The following RBMS3 variants were observed in gnomAD, a reference collection of about 807,000 sequenced individuals.
The protein encoded by RBMS3 is RNA-binding motif, single-stranded-interacting protein 3.
Under a neutral mutation model 66.8 loss-of-function variants are expected in RBMS3, and 27 were observed. The ratio of observed to expected loss-of-function variants is 0.40; its 90% CI spans 0.30 to 0.56. The LOEUF (loss-of-function observed/expected upper bound fraction) is 0.56, where lower values mean the gene tolerates loss of function less well. Ranked by LOEUF, RBMS3 falls within the 20% of genes least tolerant of loss-of-function variation. The pLI is 0.40. For missense variants in RBMS3, 513 were observed against 549.5 expected, an observed-to-expected ratio of 0.93 and a Z score of 0.66; for synonymous variants, 188 against 183.0, an observed-to-expected ratio of 1.03 and a Z score of -0.22.
chr3:29,393,152 T>C (rs770181816), intron 1 of RBMS3, among the ~76,000 whole-genome samples: 3 of 152,218 alleles, frequency 2.0e-5, no homozygotes, highest in Non-Finnish European at 4.4e-5. Flanking sequence ...TGTAATATAA[T>C]ATACTGTGTG....
intron 12 of RBMS3, among the ~76,000 whole-genome samples, chr3:29,962,088 TAAG>T (rs60331264): frequency 0.025 from 3,629 of 146,752 alleles, 111 homozygotes; most frequent in East Asian, 0.16. Context: ...GTATATATAA[TAAG>T]ATATATATAC....
chr3:29,335,614 A>G (rs2035900384), intron 1 of RBMS3, among the ~76,000 whole-genome samples: 1 of 152,184 alleles, frequency 6.6e-6, no homozygotes, highest in Non-Finnish European at 1.5e-5. Context: ...CTCTACTGCT[A>G]CTTAATGTAT....
intron 3 of RBMS3, among the ~76,000 whole-genome samples, chr3:29,573,163 C>G (rs889335281): frequency 1.3e-5 from 2 of 152,140 alleles, no homozygotes; most frequent in Non-Finnish European, 2.9e-5. Flanking sequence ...TTCTGTCACC[C>G]AGGCTGGAGT....
At chr3:29,941,232 C>T (rs574229617) in intron 11 of RBMS3, among the ~76,000 whole-genome samples, 1 of 151,910 alleles carries the variant, frequency 6.6e-6, no homozygotes, top group African/African-American at 2.4e-5. Context: ...CCCCACAGTT[C>T]TCTAGCATTT....
chr3:29,470,352 A>G (rs564541299), intron 2 of RBMS3, among the ~76,000 whole-genome samples: 1 of 152,180 alleles, frequency 6.6e-6, no homozygotes, highest in South Asian at 2.1e-4. Flanking sequence ...CAAAGACTCA[A>G]AAGAAGTCTT....
intron 6 of RBMS3, among the ~76,000 whole-genome samples, chr3:29,828,737 T>C (rs1297540379): frequency 1.3e-5 from 2 of 152,286 alleles, no homozygotes; most frequent in South Asian, 2.1e-4. Context: ...AACTGTACAG[T>C]CTAGAGATGG....
At chr3:29,297,711 C>T (rs1279473649) in intron 1 of RBMS3, among the ~76,000 whole-genome samples, 1 of 151,798 alleles carries the variant, frequency 6.6e-6, no homozygotes, top group Non-Finnish European at 1.5e-5. Flanking sequence ...TTTCACAATA[C>T]TTGTACTTTC....
chr3:29,937,121 A>G (rs1169407302), intron 11 of RBMS3, among the ~76,000 whole-genome samples: 2 of 152,094 alleles, frequency 1.3e-5, no homozygotes, highest in Non-Finnish European at 1.5e-5. Context: ...GCACTGGACT[A>G]GGAGTCAGAA....
At chr3:29,759,955 A>T (rs2055594603) in intron 5 of RBMS3, among the ~76,000 whole-genome samples, 1 of 152,142 alleles carries the variant, frequency 6.6e-6, no homozygotes, top group African/African-American at 2.4e-5. Context: ...TATTGCATTT[A>T]TTCTTTCAGA....
At chr3:29,826,131 A>G (rs2058205950) in intron 6 of RBMS3, among the ~76,000 whole-genome samples, 1 of 152,168 alleles carries the variant, frequency 6.6e-6, no homozygotes, top group African/African-American at 2.4e-5. Flanking sequence ...CATGTATATC[A>G]ATGATTAGAT....
chr3:29,956,555 G>A (rs1696059881), intron 12 of RBMS3, among the ~76,000 whole-genome samples: 1 of 152,072 alleles, frequency 6.6e-6, no homozygotes, highest in Non-Finnish European at 1.5e-5. Context: ...ATACTTCAAT[G>A]TTGGCTTTTA....
At chr3:29,998,786 C>G (rs1699422550) in intron 14 of RBMS3, among the ~76,000 whole-genome samples, 1 of 152,140 alleles carries the variant, frequency 6.6e-6, no homozygotes, top group African/African-American at 2.4e-5. Context: ...GGATTAAAGA[C>G]TTAAATGTTA....
chr3:29,786,804 C>T (rs972866031), intron 6 of RBMS3, among the ~76,000 whole-genome samples: 95 of 151,874 alleles, frequency 6.3e-4, no homozygotes, highest in Non-Finnish European at 2.9e-5. Context: ...GACCAAGAAC[C>T]CAAAAGCAAA....
At chr3:29,685,398 T>C (rs2051687191) in intron 4 of RBMS3, among the ~76,000 whole-genome samples, 1 of 152,100 alleles carries the variant, frequency 6.6e-6, no homozygotes, top group Non-Finnish European at 1.5e-5. Context: ...TTTTAATACG[T>C]TCTGTATTAG....
chr3:29,552,544 T>A lies in RBMS3; in HGVS notation c.308-34570T>A, dbSNP rs138298978. ...CTTTAAAACACACTGAGCATAAATT[T>A]AATTGGTAATAAAATGCATCAACCG... On this transcript the variant is annotated intron_variant, in intron 3 of 14. Coordinates refer to ENST00000383767, the MANE Select transcript of RBMS3 (RefSeq NM_001003793.3). Among the ~76,000 whole-genome samples the A allele has an allele frequency of 4.5e-4, 68 of 152,298 alleles. No homozygotes were observed. The East Asian group carries it at 8.3e-3, about 19-fold the overall frequency.
chr3:29,763,066 C>G, intron 6 of RBMS3, 77 bp downstream of exon 6: 1 of 1,026,054 alleles, frequency 9.7e-7, no homozygotes, highest in Non-Finnish European at 1.5e-6. Flanking sequence ...CATTGTAAAG[C>G]CCTTGTTGAT....
intron 6 of RBMS3, among the ~76,000 whole-genome samples, chr3:29,816,010 G>C (rs1449061105): frequency 6.6e-6 from 1 of 152,050 alleles, no homozygotes; most frequent in African/African-American, 2.4e-5. Flanking sequence ...AGCTGTTACT[G>C]TAGCAATTAT....
At chr3:29,756,170 C>A (rs975104349) in intron 5 of RBMS3, among the ~76,000 whole-genome samples, 1 of 152,048 alleles carries the variant, frequency 6.6e-6, no homozygotes, top group Non-Finnish European at 1.5e-5. Flanking sequence ...ACATCAAATA[C>A]CTTATTTTTG....
chr3:29,911,647 A>G (rs1379276202), intron 10 of RBMS3, among the ~76,000 whole-genome samples: 1 of 152,070 alleles, frequency 6.6e-6, no homozygotes, highest in African/African-American at 2.4e-5. Context: ...GGTGAAAGTG[A>G]GATTTCTACT....
Sources: allele counts gnomAD v4.1 joint callset (sites outside exome capture counted in the v4.1 genomes callset), GRCh38; gene constraint gnomAD v4.1.1; transcripts MANE v1.5; gene names NCBI Gene and HGNC (gene_info 2026-07-23, HGNC 2026-07-21).